The following PCDHA3 variants were observed in gnomAD, a reference collection of about 807,000 sequenced individuals.
The protein encoded by PCDHA3 is protocadherin alpha 3.
A neutral mutation model predicts 62.2 loss-of-function variants in PCDHA3; 41 were observed. The ratio of observed to expected loss-of-function variants is 0.66; its 90% CI spans 0.51 to 0.86. The LOEUF (loss-of-function observed/expected upper bound fraction) is 0.86. PCDHA3 is among the 40% of genes least tolerant of loss of function. PCDHA3 has a pLI of 0.00. For synonymous variants in PCDHA3, 640 were observed against 555.4 expected (o/e 1.15, Z -2.14); for missense variants, 1,304 against 1,241.2 (o/e 1.05, Z -0.76).
rs1294664970 is a variant in PCDHA3, at chr5:140,858,562, T to C, written c.2394+54971T>C. On this transcript the variant is annotated intron_variant, in intron 1 of 3. Transcript: ENST00000522353. Reference sequence around the variant, plus strand: ...CATTCCATTTATGCTTGAATATTTCTAGTGATACCTTTGTAATATAATTTA... The same window carrying C: ...CATTCCATTTATGCTTGAATATTTCCAGTGATACCTTTGTAATATAATTTA... 46 of 1,371,718 alleles carry C rather than the reference T, an allele frequency of 3.4e-5. 2 individuals carry two copies. Among genetic ancestry groups the C allele is most frequent in the Non-Finnish European group, 4.5e-5 (45 of 990,734 alleles). 85.0% of individuals were successfully genotyped at this position (1,371,718 alleles called of 1,614,324 possible).
At chr5:140,986,532 C>G (rs1298199477) in intron 3 of PCDHA3, among the ~76,000 whole-genome samples, 2 of 152,184 alleles carry the variant, frequency 1.3e-5, no homozygotes, top group Non-Finnish European at 2.9e-5. Context: ...GGGAACTGGC[C>G]TGGCTTCAGT....
intron 1 of PCDHA3, among the ~76,000 whole-genome samples, chr5:140,931,040 A>G (rs2087258988): frequency 6.6e-6 from 1 of 152,242 alleles, no homozygotes; most frequent in South Asian, 2.1e-4. Flanking sequence ...GCTAGCAAGA[A>G]AAACTTCAAT....
rs2150283763 is a variant in PCDHA3, at chr5:140,838,077, AGTGTGTGTGTGT to A, written c.2394+34529_2394+34540del. On this transcript the variant is annotated intron_variant, in intron 1 of 3. Coordinates refer to ENST00000522353, the MANE Select transcript of PCDHA3 (RefSeq NM_018906.3). ...TTTCCACTTTAAGTTATATATATAT[AGTGTGTGTGTGT>A]GTGTGTGTGTGTGTGTGTGTGTGTG... Among the ~76,000 whole-genome samples, 482 of 80,690 alleles carry A rather than the reference AGTGTGTGTGTGT, an allele frequency of 6.0e-3. 2 individuals are homozygous for A. Among genetic ancestry groups the A allele is most frequent in the East Asian group, 0.019 (58 of 3,058 alleles). 52.9% of individuals were successfully genotyped at this position (80,690 alleles called of 152,430 possible).
At chr5:140,865,799 T>A (rs1286819785) in intron 1 of PCDHA3, 1 of 152,200 alleles carries the variant, frequency 6.6e-6, no homozygotes, top group East Asian at 1.9e-4. Context: ...GGCTTCAGAC[T>A]CATTCTTTTA....
At position 140,849,621 on chromosome 5, in the gene PCDHA3, G is replaced by C. The variant is rs2150442688; in HGVS notation, c.2394+46030G>C. 15 of 1,598,666 alleles carry C rather than the reference G, an allele frequency of 9.4e-6. 1 individual carries two copies. The highest frequency in any genetic ancestry group is 1.7e-5 in the Admixed American group (1 of 59,290). ...AGTTATTGCCCTGATTAGTGTGATCGACCTAGACGCAGATGCCAACGGGCA... is the reference window on the plus strand; with the variant it reads ...AGTTATTGCCCTGATTAGTGTGATCCACCTAGACGCAGATGCCAACGGGCA... On this transcript the variant is annotated intron_variant, in intron 1 of 3. Coordinates refer to ENST00000522353, the MANE Select transcript of PCDHA3 (RefSeq NM_018906.3).
intron 1 of PCDHA3, among the ~76,000 whole-genome samples, chr5:140,898,433 T>G (rs1253149141): frequency 6.6e-5 from 10 of 152,184 alleles, no homozygotes; most frequent in Non-Finnish European, 7.4e-5. Flanking sequence ...CCAGCACCAT[T>G]TATTAAATAG....
intron 1 of PCDHA3, among the ~76,000 whole-genome samples, chr5:140,911,064 T>C (rs2153516956): frequency 6.6e-6 from 1 of 152,226 alleles, no homozygotes; most frequent in African/African-American, 2.4e-5. Flanking sequence ...GGGTGGGTCC[T>C]GAGGAGAATC....
intron 1 of PCDHA3, chr5:140,871,048 C>T (rs1472650820): frequency 6.2e-7 from 1 of 1,613,348 alleles, no homozygotes; most frequent in Non-Finnish European, 8.5e-7. Context: ...ACTTCTAGTA[C>T]TGGTGAAGGA....
chr5:140,863,307 C>T (rs782595794), intron 1 of PCDHA3: 9 of 1,462,494 alleles, frequency 6.2e-6, no homozygotes, highest in Non-Finnish European at 6.5e-6. Context: ...TCGCCATCTG[C>T]GTGGTGTCCA....
intron 2 of PCDHA3, among the ~76,000 whole-genome samples, chr5:140,979,370 G>A (rs1247964519): frequency 6.6e-6 from 1 of 150,650 alleles, no homozygotes; most frequent in Non-Finnish European, 1.5e-5. Context: ...TGAGACTTGG[G>A]TACATTGTGC....
intron 1 of PCDHA3, among the ~76,000 whole-genome samples, chr5:140,923,098 A>C (rs1003952878): frequency 5.9e-5 from 9 of 152,184 alleles, no homozygotes; most frequent in Non-Finnish European, 1.0e-4. Context: ...GACCAATGGG[A>C]GTATGATTTT....
At position 140,923,111 on chromosome 5, in the gene PCDHA3, G is replaced by T. The variant is rs192696214; in HGVS notation, c.2395-55838G>T. Among the ~76,000 whole-genome samples, 53 of 152,266 alleles carry T rather than the reference G, an allele frequency of 3.5e-4. No individual in the cohort carries two copies. In the East Asian group the frequency reaches 8.9e-3, roughly 25 times the overall value. ...TTGACCAATGGGAGTATGATTTTAA[G>T]TTTTTAGGGTCACACTTTGAAGGTG... On this transcript the variant is annotated intron_variant, in intron 1 of 3. Coordinates refer to ENST00000522353, the MANE Select transcript of PCDHA3 (RefSeq NM_018906.3).
intron 1 of PCDHA3, chr5:140,814,031 T>G (rs1554126362): frequency 6.5e-6 from 1 of 153,106 alleles, no homozygotes; most frequent in East Asian, 1.9e-4. Flanking sequence ...TAAATTAACC[T>G]TAGCTTACTG....
intron 1 of PCDHA3, chr5:140,868,884 T>C: frequency 1.4e-6 from 1 of 728,466 alleles, no homozygotes; most frequent in East Asian, 2.8e-5. Flanking sequence ...ACTCACAGTT[T>C]TAGGCGCAAG....
At chr5:140,946,875 G>C (rs1283632599) in intron 1 of PCDHA3, among the ~76,000 whole-genome samples, 2 of 151,288 alleles carry the variant, frequency 1.3e-5, no homozygotes, top group Non-Finnish European at 3.0e-5. Context: ...TGGTCAATGG[G>C]TACGAAGTTA....
At position 140,852,587 on chromosome 5, in the gene PCDHA3, T is replaced by A. The variant is rs2150519180; in HGVS notation, c.2394+48996T>A. The stretch of plus-strand genomic sequence containing the variant: ...CACTGTGCCAAGGCTTTTTTATTTT[T>A]TTTTTTTGTCATTTTCTTTCAAAAC... On this transcript the variant is annotated intron_variant, in intron 1 of 3. Coordinates refer to ENST00000522353, the MANE Select transcript of PCDHA3 (RefSeq NM_018906.3). 5.8e-4 allele frequency: 511 copies of A among 881,870 alleles called. 32 individuals carry two copies. Among genetic ancestry groups the A allele is most frequent in the Admixed American group, 7.6e-4 (12 of 15,710 alleles). 54.6% of individuals were successfully genotyped at this position (881,870 alleles called of 1,614,324 possible).
intron 1 of PCDHA3, among the ~76,000 whole-genome samples, chr5:140,924,437 T>C (rs2081836231): frequency 6.6e-6 from 1 of 152,206 alleles, no homozygotes; most frequent in Non-Finnish European, 1.5e-5. Flanking sequence ...CTAGAAGAGA[T>C]AACGAATGGG....
chr5:140,923,804 A>G (rs782008903), intron 1 of PCDHA3, among the ~76,000 whole-genome samples: 30 of 152,222 alleles, frequency 2.0e-4, no homozygotes, highest in Admixed American at 3.9e-4. Flanking sequence ...CACAAATGAA[A>G]TCTTCTGAAA....
intron 1 of PCDHA3, among the ~76,000 whole-genome samples, chr5:140,924,152 C>T (rs1163487854): frequency 6.6e-6 from 1 of 152,176 alleles, no homozygotes; most frequent in African/African-American, 2.4e-5. Context: ...TGAAGAAATG[C>T]ACATCCTAAT....
Sources: allele counts gnomAD v4.1 joint callset (sites outside exome capture counted in the v4.1 genomes callset), GRCh38; gene constraint gnomAD v4.1.1; transcripts MANE v1.5; gene names NCBI Gene and HGNC (gene_info 2026-07-23, HGNC 2026-07-21).